CNIH3: variants seen among roughly 807,000 people sequenced by gnomAD.
The protein encoded by CNIH3 is protein cornichon homolog 3.
CNIH3 carries 14 observed loss-of-function variants against 24.1 expected under a neutral mutation model. The observed-to-expected ratio is 0.58, with a 90% CI of 0.38 to 0.91. The LOEUF (loss-of-function observed/expected upper bound fraction) is 0.91. Ranked by LOEUF, CNIH3 falls within the 40% of genes least tolerant of loss-of-function variation. The pLI is 0.00. For synonymous variants in CNIH3, 68 were observed against 73.8 expected (o/e 0.92, Z 0.40); for missense variants, 178 against 196.8 (o/e 0.90, Z 0.57).
chr1:224,629,478 CAG>C (rs1683711000), intron 1 of CNIH3, among the ~76,000 whole-genome samples: 1 of 152,252 alleles, frequency 6.6e-6, no homozygotes, highest in East Asian at 2.0e-4. Flanking sequence ...AAATATTTTA[CAG>C]AGTTTGACTC....
intron 3 of CNIH3, among the ~76,000 whole-genome samples, chr1:224,600,960 A>C (rs1321248519): frequency 6.6e-6 from 1 of 152,226 alleles, no homozygotes; most frequent in African/African-American, 2.4e-5. Context: ...AGCGAATCCA[A>C]ACAGGTCTGC....
chr1:224,668,012 C>A (rs370433929), intron 1 of CNIH3, among the ~76,000 whole-genome samples: 2 of 152,122 alleles, frequency 1.3e-5, no homozygotes, highest in African/African-American at 4.8e-5. Context: ...AATCTATGCA[C>A]ACATACAGAA....
Position 224,739,573 on chromosome 1 carries a change from C to T in CNIH3, c.*217C>T, listed in dbSNP as rs543515876. The T allele has an allele frequency of 1.3e-4, 105 of 832,524 alleles. 1 individual carries two copies. The African/African-American group carries it at 1.4e-3, about 11-fold the overall frequency. 51.6% of individuals were successfully genotyped at this position (832,524 alleles called of 1,614,324 possible). On this transcript the variant is annotated 3_prime_UTR_variant, in exon 6 of 6. Transcript: ENST00000272133. ...ACCCTGTTTGTCAATCTTTGGCATT[C>T]GAATTCCACACACGGGGTCCTAGAG...
chr1:224,513,655 G>C (rs1678263044), upstream of CNIH3: 1 of 152,192 alleles, frequency 6.6e-6, no homozygotes. Context: ...TTTTCCCCCG[G>C]GTTCTGCTGT....
At chr1:224,626,862 G>A (rs905866279) in intron 1 of CNIH3, among the ~76,000 whole-genome samples, 3 of 152,146 alleles carry the variant, frequency 2.0e-5, no homozygotes, top group African/African-American at 7.2e-5. Flanking sequence ...TTGGATCTAA[G>A]TTTTCCATGT....
chr1:224,454,791 C>T (rs1675577756), intron 1 of CNIH3, among the ~76,000 whole-genome samples: 1 of 152,128 alleles, frequency 6.6e-6, no homozygotes, highest in South Asian at 2.1e-4. Flanking sequence ...GAGTGCAGGG[C>T]TTGGAGGTGG....
At chr1:224,653,043 C>T (rs1183503305) in intron 1 of CNIH3, among the ~76,000 whole-genome samples, 2 of 152,238 alleles carry the variant, frequency 1.3e-5, no homozygotes, top group Non-Finnish European at 1.5e-5. Context: ...AGTCACTAGC[C>T]TAGGTTTGAC....
At chr1:224,482,416 T>A (rs1676852540) in intron 1 of CNIH3, among the ~76,000 whole-genome samples, 1 of 152,092 alleles carries the variant, frequency 6.6e-6, no homozygotes, top group South Asian at 2.1e-4. Context: ...TTACCACTGC[T>A]GATTATTCAG....
At chr1:224,492,762 T>C (rs1677282711) in intron 1 of CNIH3, among the ~76,000 whole-genome samples, 1 of 152,232 alleles carries the variant, frequency 6.6e-6, no homozygotes, top group Non-Finnish European at 1.5e-5. Context: ...GTCACAGGTG[T>C]CTGTGGTAAT....
At chr1:224,536,220 C>G (rs562437785) in intron 2 of CNIH3, among the ~76,000 whole-genome samples, 2 of 151,536 alleles carry the variant, frequency 1.3e-5, no homozygotes, top group Admixed American at 6.6e-5. Context: ...CCCTTTCAAG[C>G]CTATTTGCAT....
chr1:224,699,884 G>C (rs981721914), intron 3 of CNIH3, among the ~76,000 whole-genome samples: 2 of 152,208 alleles, frequency 1.3e-5, no homozygotes, highest in Non-Finnish European at 2.9e-5. Flanking sequence ...GGGGTCATTA[G>C]GGGAGAGTGT....
chr1:224,676,394 T>G (rs977256468), intron 1 of CNIH3, among the ~76,000 whole-genome samples: 8 of 152,092 alleles, frequency 5.3e-5, no homozygotes, highest in African/African-American at 1.9e-4. Flanking sequence ...TTTGGGGTGA[T>G]AGAACTGTTC....
rs1689504152 is a variant in CNIH3, at chr1:224,734,656, C to T, written c.405C>T (p.Ala135=). ...CTTTGAGTTACTGTCAGAAGGAGGC[C>T]TGGTGTAAGCTGGCCTTCTATCTCC... The part of the protein sequence containing the change: ...ADTLSYCQKE[A]WCKLAFYLLS... Residue 135 remains alanine, a synonymous_variant, in exon 5 of 6, where the codon GCC becomes GCT. Transcript: ENST00000272133. 1.2e-6 allele frequency: 2 copies of T among 1,614,066 alleles called. No homozygotes were observed. Among genetic ancestry groups the T allele is most frequent in the Non-Finnish European group, 1.7e-6 (2 of 1,180,028 alleles).
At chr1:224,728,917 A>G (rs1400760130) in intron 3 of CNIH3, among the ~76,000 whole-genome samples, 2 of 152,258 alleles carry the variant, frequency 1.3e-5, no homozygotes, top group Non-Finnish European at 1.5e-5. Context: ...TGAGAAAAGA[A>G]TAGACGTTGG....
At chr1:224,533,904 C>T (rs1679179922) in intron 2 of CNIH3, among the ~76,000 whole-genome samples, 1 of 152,196 alleles carries the variant, frequency 6.6e-6, no homozygotes, top group Admixed American at 6.5e-5. Flanking sequence ...GTGGCTTGCG[C>T]TTGTAATCCC....
At chr1:224,658,955 A>G (rs1188412266) in intron 1 of CNIH3, among the ~76,000 whole-genome samples, 1 of 152,242 alleles carries the variant, frequency 6.6e-6, no homozygotes, top group Non-Finnish European at 1.5e-5. Flanking sequence ...GAGCAGATCA[A>G]TGCTTCAAGA....
rs1378827109 is a variant in CNIH3, at chr1:224,566,766, T to G, written n.516+502T>G. ...GCCACATTTTCTCTATCTAGTCTAT[T>G]ATTGATGGATATTTGGGTTGATTCC... On this transcript the variant is annotated intron_variant and non_coding_transcript_variant, in intron 4 of 5. Coordinates refer to the CNIH3 transcript ENST00000471578. 2.0e-5 allele frequency among the ~76,000 whole-genome samples: 3 copies of G among 152,200 alleles called. No individual in the cohort carries two copies. The East Asian group carries it at 5.8e-4, about 29-fold the overall frequency.
At chr1:224,708,743 C>T (rs962644118) in intron 3 of CNIH3, among the ~76,000 whole-genome samples, 13 of 152,170 alleles carry the variant, frequency 8.5e-5, no homozygotes, top group Non-Finnish European at 1.3e-4. Flanking sequence ...CTTGTGCACA[C>T]GCATGTCTCT....
At chr1:224,501,090 A>T (rs922693303) in intron 1 of CNIH3, among the ~76,000 whole-genome samples, 20 of 152,046 alleles carry the variant, frequency 1.3e-4, no homozygotes, top group African/African-American at 4.8e-4. Flanking sequence ...TGGAAACAGT[A>T]ATCTTTTTTT....
Sources: gnomAD v4.1 joint callset for allele counts (sites outside exome capture counted in the v4.1 genomes callset) on GRCh38, gnomAD v4.1.1 for gene constraint, MANE v1.5 for transcripts, NCBI Gene and HGNC (gene_info 2026-07-23, HGNC 2026-07-21) for gene names.